Variants in PPP2R1B observed in about 807,000 individuals in gnomAD.
PPP2R1B encodes serine/threonine-protein phosphatase 2A 65 kDa regulatory subunit A beta isoform.
A neutral mutation model predicts 72.7 loss-of-function variants in PPP2R1B; 58 were observed. The observed-to-expected ratio is 0.80, with a 90% CI of 0.65 to 0.99. The LOEUF (loss-of-function observed/expected upper bound fraction) is 0.99, where lower values mean the gene tolerates loss of function less well. Ranked by LOEUF, PPP2R1B falls within the 50% of genes least tolerant of loss-of-function variation. The probability of loss-of-function intolerance (pLI) is 0.00; values close to 1 mark genes in which losing one functional copy is unlikely to be tolerated. For missense variants in PPP2R1B, 695 were observed against 733.6 expected (o/e 0.95, Z 0.61); for synonymous variants, 256 against 264.6 (o/e 0.97, Z 0.32).
chr11:111,752,454 G>A (rs1944945211), intron 9 of PPP2R1B, 122 bp from the exon 10 acceptor site: 1 of 974,714 alleles, frequency 1.0e-6, no homozygotes, highest in Non-Finnish European at 1.5e-6. Context: ...GGATAATCTT[G>A]AAGAAATAAT....
chr11:111,764,876 A>C lies in PPP2R1B; in HGVS notation c.235T>G (p.Leu79Val). The C allele has an allele frequency of 1.2e-6, 2 of 1,614,104 alleles. No homozygotes were observed. Among genetic ancestry groups the C allele is most frequent in the Non-Finnish European group, 1.7e-6 (2 of 1,180,016 alleles). The change falls in exon 3 of 15, where the codon TTA becomes GTA. Residue 79 changes from leucine (L) to valine (V), a missense_variant. Physicochemically the swap from Leu to Val is conservative, Grantham distance 32 (BLOSUM62 1). Transcript: ENST00000527614. The part of the protein sequence containing the change: ...DTIYDEDEVL[L>V]ALAEQLGNFT... ...TTTCCCAGCTGCTCAGCAAGAGCTA[A>C]TAGTACCTCATCTTCATCATAAATT...
At chr11:111,716,113 T>C in the PPP2R1B span, among the ~76,000 whole-genome samples, 1 of 152,152 alleles carries the variant, frequency 6.6e-6, no homozygotes, top group Non-Finnish European at 1.5e-5. Context: ...ATTTTTAGCA[T>C]TTTTATTTGA....
chr11:111,741,950 C>T (rs952225205), intron 14 of PPP2R1B, 103 bp downstream of exon 14: 1 of 1,033,906 alleles, frequency 9.7e-7, no homozygotes, highest in Admixed American at 1.7e-5. Context: ...TCCCTGTTTC[C>T]CATAATACTT....
rs1257271150 is a variant in PPP2R1B at position 111,742,052 on chromosome 11, C to T, written c.1789+1G>A. 3.1e-6 allele frequency: 5 copies of T among 1,609,300 alleles called. No individual in the cohort carries two copies. The African/African-American group carries it at 6.7e-5, about 22-fold the overall frequency. On this transcript the variant is annotated splice_donor_variant, in intron 14 of 14. Transcript: ENST00000527614. LOFTEE classifies it high-confidence loss of function. ...GCAAGGCAAAAGAAGGAAATACATA[C>T]CACTTATAGCTTCCTGTGCAAAGTA...
intron 10 of PPP2R1B, 23 bp downstream of exon 10, chr11:111,752,136 T>C: frequency 1.9e-6 from 3 of 1,582,626 alleles, no homozygotes; most frequent in Non-Finnish European, 2.6e-6. Flanking sequence ...TACCCTGCAG[T>C]TCATGGAGCA....
intron 5 of PPP2R1B, among the ~76,000 whole-genome samples, chr11:111,758,627 A>G (rs1723563455): frequency 6.6e-6 from 1 of 152,070 alleles, no homozygotes; most frequent in Non-Finnish European, 1.5e-5. Context: ...TGCAAAGAAA[A>G]CAAAGGCTGC....
the PPP2R1B span, among the ~76,000 whole-genome samples, chr11:111,702,894 CTTAT>C: frequency 1.4e-5 from 2 of 139,676 alleles, no homozygotes; most frequent in Non-Finnish European, 3.1e-5. Flanking sequence ...AGGAATGAGG[CTTAT>C]TTCTTTCCTT....
the PPP2R1B span, among the ~76,000 whole-genome samples, chr11:111,696,700 AT>A: frequency 6.6e-6 from 1 of 152,198 alleles, no homozygotes; most frequent in Non-Finnish European, 1.5e-5. Flanking sequence ...TCAGATGATG[AT>A]GTGGAGTCTT....
downstream of PPP2R1B, chr11:111,724,956 C>T (rs1381502884): frequency 6.6e-6 from 1 of 152,416 alleles, no homozygotes; most frequent in Non-Finnish European, 1.5e-5. Flanking sequence ...CAGGCTCTTC[C>T]TGCAGTTTCT....
chr11:111,755,234 C>T, intron 6 of PPP2R1B, 61 bp downstream of exon 6: 1 of 1,553,204 alleles, frequency 6.4e-7, no homozygotes, highest in African/African-American at 1.4e-5. Context: ...ACTTTGGGTA[C>T]AACAGCAAAT....
intron 15 of PPP2R1B, among the ~76,000 whole-genome samples, chr11:111,731,795 G>A (rs1363484505): frequency 6.6e-6 from 1 of 152,196 alleles, no homozygotes; most frequent in African/African-American, 2.4e-5. Context: ...TTACCCCTTG[G>A]CTACCCAAAA....
intron 5 of PPP2R1B, among the ~76,000 whole-genome samples, chr11:111,758,095 G>A (rs1234888918): frequency 6.6e-6 from 1 of 152,140 alleles, no homozygotes; most frequent in Non-Finnish European, 1.5e-5. Flanking sequence ...CTCATGCTGA[G>A]ACTTGAAATG....
the PPP2R1B span, among the ~76,000 whole-genome samples, chr11:111,694,879 ACT>A: frequency 6.6e-6 from 1 of 151,870 alleles, no homozygotes; most frequent in Non-Finnish European, 1.5e-5. Context: ...AGCTCATTGA[ACT>A]CTCTGACTGG....
downstream of PPP2R1B, among the ~76,000 whole-genome samples, chr11:111,733,749 C>T (rs932559756): frequency 2.7e-4 from 41 of 152,238 alleles, no homozygotes; most frequent in African/African-American, 9.6e-4. Context: ...AACTGCCTTC[C>T]AGTCGCTACA....
the PPP2R1B span, among the ~76,000 whole-genome samples, chr11:111,688,582 G>A: frequency 1.6e-4 from 24 of 152,338 alleles, no homozygotes; most frequent in African/African-American, 5.5e-4. This position sits in a 1 kb window ranked among gnomAD's most constrained non-coding sequence, Gnocchi z 4.2. Context: ...GAGGTAGAAT[G>A]AGAAATAGTT....
In PPP2R1B at chr11:111,737,888, A is replaced by G. The variant is rs558168538; in HGVS notation, c.*3708T>C. 39 of 1,142,838 alleles carry G rather than the reference A, an allele frequency of 3.4e-5. No homozygotes were observed. The South Asian group carries it at 5.2e-4, about 15-fold the overall frequency. 70.8% of individuals were successfully genotyped at this position (1,142,838 alleles called of 1,614,324 possible). ...AAAGACCTGGCTCCTTTCAGAACTCATATCAGTTTAAGAGAACAACTCTGG... is the reference window on the plus strand; with the variant it reads ...AAAGACCTGGCTCCTTTCAGAACTCGTATCAGTTTAAGAGAACAACTCTGG... On this transcript the variant is annotated 3_prime_UTR_variant, in exon 15 of 15. Transcript: ENST00000527614.
At chr11:111,721,095 T>C in the PPP2R1B span, 1 of 1,589,684 alleles carries the variant, frequency 6.3e-7, no homozygotes, top group Non-Finnish European at 8.5e-7. Flanking sequence ...TCAATGGCTC[T>C]GTGAGGATGA....
intron 2 of PPP2R1B, 123 bp from the exon 3 acceptor site, chr11:111,765,028 C>A: frequency 6.9e-7 from 1 of 1,446,656 alleles, no homozygotes; most frequent in South Asian, 1.4e-5. Context: ...ATCCTAACAG[C>A]ATTTTCTTTC....
chr11:111,766,019 G>C, intron 1 of PPP2R1B: 1 of 589,684 alleles, frequency 1.7e-6, no homozygotes. Flanking sequence ...GCAAGGCTCC[G>C]GGCGGACGCC....
Sources: allele counts gnomAD v4.1 joint callset (sites outside exome capture counted in the v4.1 genomes callset), GRCh38; gene constraint gnomAD v4.1.1; non-coding constraint Gnocchi (gnomAD v3.1); transcripts MANE v1.5; gene names NCBI Gene and HGNC (gene_info 2026-07-23, HGNC 2026-07-21).